Variants in TMEM163 observed in about 807,000 individuals in gnomAD.
TMEM163 encodes the protein transmembrane protein 163.
TMEM163 carries 17 observed loss-of-function variants against 29.3 expected under a neutral mutation model. The observed-to-expected ratio is 0.58, with a 90% CI of 0.40 to 0.87. The LOEUF is 0.87. Ranked by LOEUF, TMEM163 falls within the 40% of genes least tolerant of loss-of-function variation. The probability of loss-of-function intolerance (pLI) is 0.00; values close to 1 mark genes in which losing one functional copy is unlikely to be tolerated. For synonymous variants in TMEM163, 157 were observed against 160.6 expected, an observed-to-expected ratio of 0.98 and a Z score of 0.17; for missense variants, 303 against 381.5, an observed-to-expected ratio of 0.79 and a Z score of 1.71.
chr2:134,563,639 T>C (rs1681230844), intron 2 of TMEM163, among the ~76,000 whole-genome samples: 1 of 152,212 alleles, frequency 6.6e-6, no homozygotes. Context: ...ATTAAATATA[T>C]GAAGAAACAT....
intron 4 of TMEM163, 36 bp from the exon 5 acceptor site, chr2:134,503,033 A>G (rs1679733475): frequency 1.3e-6 from 2 of 1,565,430 alleles, no homozygotes; most frequent in Non-Finnish European, 1.7e-6. Flanking sequence ...CTTAACTGGG[A>G]GAACTCACAC....
intron 2 of TMEM163, among the ~76,000 whole-genome samples, chr2:134,685,373 T>C (rs192776231): frequency 1.3e-5 from 2 of 152,208 alleles, no homozygotes; most frequent in Admixed American, 6.5e-5. Context: ...TGTGAGTAGG[T>C]AGAAAACAAC....
chr2:134,661,531 A>G (rs1683750588), intron 2 of TMEM163, among the ~76,000 whole-genome samples: 1 of 152,208 alleles, frequency 6.6e-6, no homozygotes, highest in African/African-American at 2.4e-5. Context: ...GCAAGTCCAG[A>G]TGAAGATCGT....
At chr2:134,680,343 A>T (rs1336122999) in intron 2 of TMEM163, among the ~76,000 whole-genome samples, 1 of 149,824 alleles carries the variant, frequency 6.7e-6, no homozygotes, top group Non-Finnish European at 1.5e-5. Flanking sequence ...AAAGGATTTA[A>T]CACACAAAAA....
intron 2 of TMEM163, among the ~76,000 whole-genome samples, chr2:134,679,197 G>A (rs904866631): frequency 1.3e-5 from 2 of 152,210 alleles, no homozygotes; most frequent in Non-Finnish European, 2.9e-5. Flanking sequence ...GGCTTGGGCA[G>A]TGGCTGATTA....
chr2:134,663,338 C>G (rs997595362), intron 2 of TMEM163, among the ~76,000 whole-genome samples: 2 of 152,190 alleles, frequency 1.3e-5, no homozygotes, highest in Non-Finnish European at 2.9e-5. Context: ...GGCCTTTGAT[C>G]TGGTAAGTGA....
intron 5 of TMEM163, among the ~76,000 whole-genome samples, chr2:134,494,607 G>A (rs1309633577): frequency 6.6e-6 from 1 of 152,160 alleles, no homozygotes; most frequent in Non-Finnish European, 1.5e-5. Context: ...AACTTGCTTG[G>A]AAGCCTCTCC....
At chr2:134,701,440 G>C (rs2104892004) in intron 2 of TMEM163, among the ~76,000 whole-genome samples, 1 of 152,324 alleles carries the variant, frequency 6.6e-6, no homozygotes, top group African/African-American at 2.4e-5. Flanking sequence ...TTCAAAGCCT[G>C]TGTAAAAAAG....
intron 2 of TMEM163, among the ~76,000 whole-genome samples, chr2:134,646,633 T>C (rs1230241739): frequency 2.0e-5 from 3 of 151,342 alleles, no homozygotes; most frequent in Non-Finnish European, 2.9e-5. Context: ...TTAATAGAGA[T>C]GGGGTTTCAT....
intron 4 of TMEM163, among the ~76,000 whole-genome samples, chr2:134,537,342 G>C (rs1408161919): frequency 6.6e-6 from 1 of 152,192 alleles, no homozygotes; most frequent in Non-Finnish European, 1.5e-5. Context: ...TCTGGAGGCT[G>C]AAGTTCTGAG....
At chr2:134,565,049 G>A (rs1284828972) in intron 2 of TMEM163, among the ~76,000 whole-genome samples, 2 of 150,188 alleles carry the variant, frequency 1.3e-5, no homozygotes, top group Non-Finnish European at 3.0e-5. Flanking sequence ...ACCAGCCTGG[G>A]CAACATAGTG....
intron 2 of TMEM163, among the ~76,000 whole-genome samples, chr2:134,643,990 T>C (rs1683277455): frequency 6.6e-6 from 1 of 152,098 alleles, no homozygotes; most frequent in Non-Finnish European, 1.5e-5. Flanking sequence ...CAATGTATAA[T>C]TGGCAATAAG....
At chr2:134,550,339 C>T (rs1680885427) in intron 4 of TMEM163, among the ~76,000 whole-genome samples, 1 of 152,182 alleles carries the variant, frequency 6.6e-6, no homozygotes, top group African/African-American at 2.4e-5. Flanking sequence ...AACACATATT[C>T]TCAAAATCTG....
At chr2:134,538,653 C>T (rs931841703) in intron 4 of TMEM163, among the ~76,000 whole-genome samples, 10 of 152,146 alleles carry the variant, frequency 6.6e-5, no homozygotes, top group African/African-American at 1.9e-4. Flanking sequence ...CCACACCACA[C>T]GCCACAGTGA....
intron 2 of TMEM163, among the ~76,000 whole-genome samples, chr2:134,594,861 CTCTCTCTCTCTCTCTCTCTCTACT>C (rs1243417901): frequency 6.6e-6 from 1 of 150,946 alleles, no homozygotes; most frequent in Non-Finnish European, 1.5e-5. Context: ...GTCTCTCTCT[CTCTCTCTCTCTCTCTCTCTCTACT>C]TCTCTCTCTC....
intron 2 of TMEM163, among the ~76,000 whole-genome samples, chr2:134,637,426 GATGGGCTCCAGCCATTCTCAACCT>G (rs1683129064): frequency 6.6e-6 from 1 of 152,240 alleles, no homozygotes; most frequent in Admixed American, 6.5e-5. Flanking sequence ...GTGCTGCCAG[GATGGGCTCCAGCCATTCTCAACCT>G]AGAACTAGAA....
intron 2 of TMEM163, among the ~76,000 whole-genome samples, chr2:134,604,641 G>A (rs1682312100): frequency 6.6e-6 from 1 of 152,114 alleles, no homozygotes; most frequent in Non-Finnish European, 1.5e-5. Context: ...CATTGAAAAT[G>A]TAATTAAATG....
intron 2 of TMEM163, among the ~76,000 whole-genome samples, chr2:134,646,132 T>G (rs899921298): frequency 6.6e-6 from 1 of 151,586 alleles, no homozygotes; most frequent in Non-Finnish European, 1.5e-5. Context: ...TCACCCAGGC[T>G]AGAGTGCAAT....
chr2:134,572,241 C>T (rs1332824293), intron 2 of TMEM163, among the ~76,000 whole-genome samples: 1 of 152,128 alleles, frequency 6.6e-6, no homozygotes, highest in African/African-American at 2.4e-5. Flanking sequence ...TCAGCCACAC[C>T]CCCAACATCT....
Sources: allele counts gnomAD v4.1 joint callset (sites outside exome capture counted in the v4.1 genomes callset), GRCh38; gene constraint gnomAD v4.1.1; transcripts MANE v1.5; gene names NCBI Gene and HGNC (gene_info 2026-07-23, HGNC 2026-07-21).